Variants in IPCEF1 observed in about 807,000 individuals in gnomAD.
IPCEF1 encodes the protein interaction protein for cytohesin exchange factors 1.
IPCEF1 carries 31 observed loss-of-function variants against 50.9 expected under a neutral mutation model. The ratio of observed to expected loss-of-function variants is 0.61; its 90% confidence interval spans 0.46 to 0.82. IPCEF1 has a LOEUF of 0.82. Among genes scored for constraint, IPCEF1 ranks in the 40% least tolerant of loss-of-function variants. IPCEF1 has a pLI of 0.00. For synonymous variants in IPCEF1, 181 were observed against 192.0 expected (o/e 0.94, Z 0.47); for missense variants, 458 against 514.0 (o/e 0.89, Z 1.05).
chr6:154,251,623 G>A (rs1781337876), intron 3 of IPCEF1, among the ~76,000 whole-genome samples: 1 of 152,166 alleles, frequency 6.6e-6, no homozygotes, highest in Non-Finnish European at 1.5e-5. Context: ...AGTGAAAATA[G>A]GTATTTCAAG....
At chr6:154,175,493 A>G (rs1800242376) in intron 10 of IPCEF1, among the ~76,000 whole-genome samples, 1 of 152,076 alleles carries the variant, frequency 6.6e-6, no homozygotes, top group African/African-American at 2.4e-5. Context: ...AGGGGATATC[A>G]CCACCAATCC....
chr6:154,304,228 A>C (rs35856845), intron 1 of IPCEF1, among the ~76,000 whole-genome samples: 39 of 151,910 alleles, frequency 2.6e-4, no homozygotes, highest in African/African-American at 8.9e-4. Flanking sequence ...TCTCAAAAAA[A>C]TTTTTTTAAT....
intron 1 of IPCEF1, among the ~76,000 whole-genome samples, chr6:154,336,716 G>T (rs1584002364): frequency 6.6e-6 from 1 of 151,986 alleles, no homozygotes; most frequent in Admixed American, 6.6e-5. Context: ...CTATCCTCCT[G>T]CCTCAGCCTC....
chr6:154,298,317 A>T (rs1261030590), intron 1 of IPCEF1, among the ~76,000 whole-genome samples: 2 of 152,218 alleles, frequency 1.3e-5, no homozygotes, highest in African/African-American at 2.4e-5. Context: ...ATCTTGTAAT[A>T]AGCTTTCAGA....
At chr6:154,327,586 T>C (rs1783553478) in intron 1 of IPCEF1, among the ~76,000 whole-genome samples, 1 of 152,016 alleles carries the variant, frequency 6.6e-6, no homozygotes, top group Non-Finnish European at 1.5e-5. Context: ...ATTGGTGAAG[T>C]TGCTGAGAAA....
At chr6:154,264,404 C>T (rs1294566923) in intron 3 of IPCEF1, among the ~76,000 whole-genome samples, 1 of 151,854 alleles carries the variant, frequency 6.6e-6, no homozygotes, top group East Asian at 1.9e-4. Context: ...GATGGAGTAA[C>T]CCTTTGTTGC....
chr6:154,321,081 C>T (rs1783361965), intron 1 of IPCEF1, among the ~76,000 whole-genome samples: 1 of 151,814 alleles, frequency 6.6e-6, no homozygotes, highest in Non-Finnish European at 1.5e-5. Context: ...TAGGCGCGCA[C>T]CACCACACCA....
intron 1 of IPCEF1, among the ~76,000 whole-genome samples, chr6:154,290,820 C>T (rs1319197128): frequency 6.6e-6 from 1 of 151,890 alleles, no homozygotes; most frequent in Non-Finnish European, 1.5e-5. Flanking sequence ...CTTTTAAATA[C>T]CACGAAAGAT....
At chr6:154,342,302 C>T (rs972955656) in intron 1 of IPCEF1, among the ~76,000 whole-genome samples, 8 of 152,200 alleles carry the variant, frequency 5.3e-5, no homozygotes, top group Admixed American at 2.6e-4. Flanking sequence ...ACCCAAAGAC[C>T]TCTGCATAAC....
chr6:154,166,819 T>C (rs1008417862), intron 11 of IPCEF1, among the ~76,000 whole-genome samples: 1 of 152,210 alleles, frequency 6.6e-6, no homozygotes, highest in African/African-American at 2.4e-5. Flanking sequence ...TTACATTGAA[T>C]AATCAAATAT....
intron 10 of IPCEF1, among the ~76,000 whole-genome samples, chr6:154,198,100 A>T (rs1038857265): frequency 6.6e-6 from 1 of 152,190 alleles, no homozygotes; most frequent in African/African-American, 2.4e-5. Context: ...TCTCAGAATG[A>T]GTAAAGACCT....
Position 154,159,726 on chromosome 6 carries a change from G to C in IPCEF1, c.*102C>G. The C allele has an allele frequency of 1.2e-6, 1 of 831,884 alleles. No individual in the cohort carries two copies. The highest frequency in any genetic ancestry group is 1.6e-5 in the South Asian group (1 of 63,544). The allele number at this position is 831,884 out of a possible 1,614,324, so 51.5% of individuals were successfully genotyped here. On this transcript the variant is annotated 3_prime_UTR_variant, in exon 12 of 12. Transcript: ENST00000367220. ...TTAGATGGGAAGCTGATGCTTGAAG[G>C]ACTGGGTTTCAGTTTTCCTTTTAAG...
chr6:154,275,062 A>G (rs1782021282), intron 2 of IPCEF1, among the ~76,000 whole-genome samples: 1 of 152,160 alleles, frequency 6.6e-6, no homozygotes, highest in Non-Finnish European at 1.5e-5. Flanking sequence ...ATAAACACAC[A>G]CACCCTAGTG....
At chr6:154,200,638 T>C (rs1776990557) in intron 9 of IPCEF1, among the ~76,000 whole-genome samples, 1 of 152,024 alleles carries the variant, frequency 6.6e-6, no homozygotes, top group African/African-American at 2.4e-5. Context: ...GGAGAATCAC[T>C]TGAACCTGGG....
At chr6:154,229,887 A>G (rs373461569) in intron 5 of IPCEF1, among the ~76,000 whole-genome samples, 1 of 152,242 alleles carries the variant, frequency 6.6e-6, no homozygotes, top group Non-Finnish European at 1.5e-5. Context: ...TAATCATGAA[A>G]AGGAGCAAAC....
Position 154,295,866 on chromosome 6 carries a change from C to T in IPCEF1, c.-61-6110G>A, listed in dbSNP as rs907153007. On this transcript the variant is annotated intron_variant, in intron 1 of 11. Transcript: ENST00000367220. Reference sequence around the variant, plus strand: ...ACTGCCTGTCACACACATGTGCACACGCACACACACACACACACACACATG... The same window carrying T: ...ACTGCCTGTCACACACATGTGCACATGCACACACACACACACACACACATG... Among the ~76,000 whole-genome samples, 6 of 86,484 alleles carry T rather than the reference C, an allele frequency of 6.9e-5. No homozygotes were observed. In the South Asian group the frequency reaches 1.7e-3, roughly 24 times the overall value. 56.7% of individuals were successfully genotyped at this position (86,484 alleles called of 152,430 possible). A position where few individuals can be genotyped will look rare whatever the true frequency, so the allele number is the denominator to read the frequency against.
rs769289836 is a variant in IPCEF1 at position 154,199,931 on chromosome 6, G to A, written c.647C>T (p.Ser216Phe). The A allele has an allele frequency of 1.7e-5, 28 of 1,614,176 alleles. No individual in the cohort carries two copies. The highest frequency in any genetic ancestry group is 2.2e-5 in the Non-Finnish European group (26 of 1,180,034). Residue 216 changes from serine (S) to phenylalanine (F), a missense_variant, in exon 10 of 12, where the codon TCT (serine) becomes TTT (phenylalanine). Physicochemically the swap from Ser to Phe is radical, Grantham distance 155. Coordinates refer to ENST00000367220, the MANE Select transcript of IPCEF1 (RefSeq NM_001130700.2). ...GTCAGGCAAGGATTGTCTCTCTTTAGATAAGGAGGAAGGAAAACTGCTGGG... is the reference window on the plus strand; with the variant it reads ...GTCAGGCAAGGATTGTCTCTCTTTAAATAAGGAGGAAGGAAAACTGCTGGG... ...KTPSSFPSSLSKERQSLPDTV... is the reference protein window; with the variant it reads ...KTPSSFPSSLFKERQSLPDTV...
chr6:154,334,357 T>A (rs1051660261), intron 1 of IPCEF1, among the ~76,000 whole-genome samples: 3 of 152,230 alleles, frequency 2.0e-5, no homozygotes, highest in African/African-American at 7.2e-5. Flanking sequence ...TGGCTCTCAG[T>A]TCCCCATCCA....
At chr6:154,342,385 A>T (rs1416584145) in intron 1 of IPCEF1, among the ~76,000 whole-genome samples, 1 of 152,166 alleles carries the variant, frequency 6.6e-6, no homozygotes, top group Admixed American at 6.5e-5. Context: ...ATTTCTGGGC[A>T]TTGACTAAAG....
Sources: allele counts gnomAD v4.1 joint callset (sites outside exome capture counted in the v4.1 genomes callset), GRCh38; gene constraint gnomAD v4.1.1; transcripts MANE v1.5; gene names NCBI Gene and HGNC (gene_info 2026-07-23, HGNC 2026-07-21).